The following KIAA0232 variants were observed in gnomAD, a reference collection of about 807,000 sequenced individuals.
KIAA0232 encodes the protein uncharacterized protein KIAA0232.
In KIAA0232, 27 loss-of-function variants were observed where a neutral mutation model predicts 122.0. The observed-to-expected ratio is 0.22, with a 90% confidence interval of 0.16 to 0.31. The LOEUF (loss-of-function observed/expected upper bound fraction) is 0.31. Ranked by LOEUF, KIAA0232 falls within the 10% of genes least tolerant of loss-of-function variation. KIAA0232 has a pLI of 1.00. For synonymous variants in KIAA0232, 613 were observed against 587.6 expected, an observed-to-expected ratio of 1.04 and a Z score of -0.63; for missense variants, 1,551 against 1,634.2, an observed-to-expected ratio of 0.95 and a Z score of 0.88.
chr4:6,862,770 A>G lies in KIAA0232; in HGVS notation c.2388A>G (p.Leu796=), dbSNP rs1720947644. 6 of 1,614,020 alleles carry G rather than the reference A, an allele frequency of 3.7e-6. No individual in the cohort carries two copies. The highest frequency in any genetic ancestry group is 5.1e-6 in the Non-Finnish European group (6 of 1,179,978). The change falls in exon 7 of 10, where the codon CTA becomes CTG. Residue 796 remains leucine, a synonymous_variant. Coordinates refer to ENST00000307659, the MANE Select transcript of KIAA0232 (RefSeq NM_014743.3). ...SKLESVCGIQ[L]EQKTENKNFE... is the part of the protein sequence containing the mutation. ...TAGAATCCGTCTGTGGTATTCAGCT[A>G]GAACAAAAAACAGAAAACAAAAATT...
chr4:6,783,584 T>C (rs1211574326), intron 1 of KIAA0232, among the ~76,000 whole-genome samples: 2 of 151,274 alleles, frequency 1.3e-5, no homozygotes, highest in African/African-American at 2.4e-5. Context: ...ATTGTCCTTT[T>C]GGGGCCCCGG....
intron 1 of KIAA0232, among the ~76,000 whole-genome samples, chr4:6,801,931 C>A (rs571290228): frequency 6.6e-6 from 1 of 152,204 alleles, no homozygotes; most frequent in Admixed American, 6.5e-5. Context: ...AAGTTTGTAT[C>A]CCTCACTGTG....
At chr4:6,812,962 G>A (rs1045929230) in intron 2 of KIAA0232, among the ~76,000 whole-genome samples, 1 of 152,104 alleles carries the variant, frequency 6.6e-6, no homozygotes, top group African/African-American at 2.4e-5. Context: ...TTACAAAAAA[G>A]GGAACTATCT....
chr4:6,827,095 G>A (rs746809320), intron 3 of KIAA0232, among the ~76,000 whole-genome samples: 1 of 152,110 alleles, frequency 6.6e-6, no homozygotes, highest in South Asian at 2.1e-4. Flanking sequence ...GAAATAAAAG[G>A]CCCTAAAATA....
At chr4:6,811,305 G>T (rs1228885279) in intron 2 of KIAA0232, among the ~76,000 whole-genome samples, 1 of 152,132 alleles carries the variant, frequency 6.6e-6, no homozygotes, top group Non-Finnish European at 1.5e-5. Context: ...CGTGTCTTTT[G>T]CGGCAACGTT....
At chr4:6,838,549 C>G (rs1179214559) in intron 3 of KIAA0232, among the ~76,000 whole-genome samples, 1 of 152,076 alleles carries the variant, frequency 6.6e-6, no homozygotes, top group Non-Finnish European at 1.5e-5. Flanking sequence ...CTAGGTCTGA[C>G]TGTTACCTGA....
intron 4 of KIAA0232, among the ~76,000 whole-genome samples, chr4:6,851,141 CT>C (rs1485989006): frequency 2.0e-5 from 3 of 152,188 alleles, no homozygotes; most frequent in Admixed American, 6.5e-5. Context: ...TATACTTAAA[CT>C]TTTCTTATAT....
Position 6,861,003 on chromosome 4 carries a change from TTCA to T in KIAA0232, c.627_629del (p.Ser210del), listed in dbSNP as rs779906478. On this transcript the variant is annotated inframe_deletion, in exon 7 of 10. Coordinates refer to ENST00000307659, the MANE Select transcript of KIAA0232 (RefSeq NM_014743.3). ...AAGTCTGTTCTTACTCTAGCTCTTC[TTCA>T]TCATCCACAGCCCCACCAGCTAGCA... The T allele has an allele frequency of 6.8e-6, 11 of 1,614,176 alleles. No homozygotes were observed. The highest frequency in any genetic ancestry group is 9.3e-6 in the Non-Finnish European group (11 of 1,180,042).
chr4:6,855,395 T>A lies in KIAA0232; in HGVS notation c.370-1769T>A, dbSNP rs1010830385. 2.6e-5 allele frequency among the ~76,000 whole-genome samples: 4 copies of A among 152,042 alleles called. No homozygotes were observed. The highest frequency in any genetic ancestry group is 1.9e-4 in the East Asian group (1 of 5,164). On this transcript the variant is annotated intron_variant, in intron 4 of 9. Transcript: ENST00000307659. The surrounding 1 kb of genome is among the most constrained non-coding windows in gnomAD (Gnocchi z 4.3). ...GAGCCGCTGCGCCCAGCTGATTTTT[T>A]AAAAAAATATATAAGATGCTACAGG...
intron 2 of KIAA0232, among the ~76,000 whole-genome samples, chr4:6,819,271 T>C (rs1191733370): frequency 2.0e-5 from 3 of 152,098 alleles, no homozygotes; most frequent in African/African-American, 7.2e-5. Context: ...AAATTATCAA[T>C]AGAGTAAACG....
rs1717434785 is a variant in KIAA0232 at position 6,802,623 on chromosome 4, C to A, written c.-353-1900C>A. ...GAACAGAGTTACAGTGCACAATTAA[C>A]CTTTTCTTCTGATGGAAGTTGACTC... On this transcript the variant is annotated intron_variant, in intron 1 of 9. Transcript: ENST00000307659. 2.7e-5 allele frequency among the ~76,000 whole-genome samples: 4 copies of A among 150,008 alleles called. No individual in the cohort carries two copies. The South Asian group carries it at 8.5e-4, about 32-fold the overall frequency.
At chr4:6,795,097 GTC>G in intron 1 of KIAA0232, among the ~76,000 whole-genome samples, 1 of 149,082 alleles carries the variant, frequency 6.7e-6, no homozygotes, top group Non-Finnish European at 1.5e-5. Context: ...TTGAGATGGA[GTC>G]TCACTCTGTC....
rs568194373 is a variant in KIAA0232 at position 6,831,158 on chromosome 4, C to A, written c.231+6474C>A. ...GCAACCTCCACCTCCCAGGTTCAAGCGATTCTCCTGCCCCAGCCTCCCAAG... is the reference window on the plus strand; with the variant it reads ...GCAACCTCCACCTCCCAGGTTCAAGAGATTCTCCTGCCCCAGCCTCCCAAG... On this transcript the variant is annotated intron_variant, in intron 3 of 9. Transcript: ENST00000307659. 5.5e-4 allele frequency among the ~76,000 whole-genome samples: 83 copies of A among 152,194 alleles called. 1 individual carries two copies. The highest frequency in any genetic ancestry group is 2.7e-3 in the South Asian group (13 of 4,810).
rs184564967 is a variant in KIAA0232, at chr4:6,857,434, T to G, written c.436+204T>G. Among the ~76,000 whole-genome samples the G allele has an allele frequency of 4.2e-4, 64 of 152,314 alleles. 2 individuals carry two copies. The East Asian group carries it at 0.012, about 29-fold the overall frequency. ...CAGACCCAGCAGTCACTCATAGAGA[T>G]TCCTGCAACCAAGGGAGGGACTTAG... On this transcript the variant is annotated intron_variant, in intron 5 of 9. Coordinates refer to ENST00000307659, the MANE Select transcript of KIAA0232 (RefSeq NM_014743.3).
At chr4:6,871,447 G>GAAA in intron 7 of KIAA0232, 127 bp from the exon 8 acceptor site, 1 of 603,434 alleles carries the variant, frequency 1.7e-6, no homozygotes, top group Non-Finnish European at 2.9e-6. Context: ...AAGAAAGAAA[G>GAAA]AAAAATCAAA....
intron 2 of KIAA0232, among the ~76,000 whole-genome samples, chr4:6,813,474 TG>T (rs1000699254): frequency 2.4e-4 from 36 of 152,006 alleles, no homozygotes; most frequent in Admixed American, 6.6e-5. Flanking sequence ...GCCATTCTAC[TG>T]CCTCAGCCTC....
intron 3 of KIAA0232, among the ~76,000 whole-genome samples, chr4:6,837,901 G>C (rs1001850135): frequency 6.8e-6 from 1 of 146,644 alleles, no homozygotes; most frequent in African/African-American, 2.4e-5. Context: ...GAGGGAGACC[G>C]TGCAAAGGGG....
At chr4:6,836,283 A>G (rs888093446) in intron 3 of KIAA0232, among the ~76,000 whole-genome samples, 3 of 147,906 alleles carry the variant, frequency 2.0e-5, no homozygotes, top group East Asian at 2.0e-4. Context: ...AGAAGTGTCT[A>G]TGCATATCCT....
rs1412746893 is a variant in KIAA0232 at position 6,782,748 on chromosome 4, A to G, written c.-447A>G. 1 of 149,578 alleles carries G rather than the reference A, an allele frequency of 6.7e-6. No homozygotes were observed. The highest frequency in any genetic ancestry group is 1.5e-5 in the Non-Finnish European group (1 of 67,092). 9.3% of individuals were successfully genotyped at this position (149,578 alleles called of 1,614,324 possible). ...CGCCGCTTTACGTAAGGCGCAGGCCAGGGCCGCCCGGCGCTCGGCAGCCGC... is the reference window on the plus strand; with the variant it reads ...CGCCGCTTTACGTAAGGCGCAGGCCGGGGCCGCCCGGCGCTCGGCAGCCGC... On this transcript the variant is annotated 5_prime_UTR_variant, in exon 1 of 10. Transcript: ENST00000307659.
Sources: gnomAD v4.1 joint callset for allele counts (sites outside exome capture counted in the v4.1 genomes callset) on GRCh38, gnomAD v4.1.1 for gene constraint, Gnocchi (gnomAD v3.1) non-coding constraint, MANE v1.5 for transcripts, NCBI Gene and HGNC (gene_info 2026-07-23, HGNC 2026-07-21) for gene names.